The following RAP1A variants were observed in gnomAD, a reference collection of about 807,000 sequenced individuals.
RAP1A encodes the protein ras-related protein Rap-1A.
RAP1A carries 6 observed loss-of-function variants against 26.4 expected under a neutral mutation model. The ratio of observed to expected loss-of-function variants is 0.23; its 90% confidence interval spans 0.12 to 0.45. The LOEUF (loss-of-function observed/expected upper bound fraction) is 0.45, where lower values mean the gene tolerates loss of function less well. Among genes scored for constraint, RAP1A ranks in the 20% least tolerant of loss-of-function variants. The probability of loss-of-function intolerance (pLI) is 0.99; values close to 1 mark genes in which losing one functional copy is unlikely to be tolerated. For missense variants in RAP1A, 121 were observed against 217.2 expected (o/e 0.56, Z 2.78); for synonymous variants, 73 against 79.4 (o/e 0.92, Z 0.43).
chr1:111,684,653 AC>A (rs1244604962), intron 1 of RAP1A, among the ~76,000 whole-genome samples: 1 of 152,190 alleles, frequency 6.6e-6, no homozygotes, highest in Non-Finnish European at 1.5e-5. Flanking sequence ...AAATGGAAAA[AC>A]ATTCCATGCT....
At chr1:111,711,402 G>T (rs1044425953) in intron 7 of RAP1A, among the ~76,000 whole-genome samples, 1 of 152,084 alleles carries the variant, frequency 6.6e-6, no homozygotes, top group South Asian at 2.1e-4. Flanking sequence ...GGCCTATTAC[G>T]ATTTTTAAAA....
chr1:111,556,604 A>G (rs900154248), intron 1 of RAP1A, among the ~76,000 whole-genome samples: 5 of 152,240 alleles, frequency 3.3e-5, no homozygotes, highest in African/African-American at 9.6e-5. Flanking sequence ...AAGCTACGAC[A>G]TGGATGAAAC....
intron 1 of RAP1A, among the ~76,000 whole-genome samples, chr1:111,549,918 G>A (rs181245798): frequency 2.7e-3 from 409 of 152,284 alleles, no homozygotes; most frequent in Middle Eastern, 0.01. Context: ...CTACCAAAGT[G>A]CTGGAATTAC....
chr1:111,650,125 A>G (rs1247302148), intron 1 of RAP1A, among the ~76,000 whole-genome samples: 3 of 72,746 alleles, frequency 4.1e-5, no homozygotes, highest in Non-Finnish European at 5.5e-5. Context: ...TTTTACATTT[A>G]CTAAGTTTGT....
intron 1 of RAP1A, among the ~76,000 whole-genome samples, chr1:111,545,485 G>A (rs542888223): frequency 6.6e-6 from 1 of 152,072 alleles, no homozygotes; most frequent in African/African-American, 2.4e-5. Flanking sequence ...TCCTTTTATT[G>A]TTGAATTTTA....
intron 1 of RAP1A, among the ~76,000 whole-genome samples, chr1:111,582,894 G>T (rs2101061696): frequency 6.6e-6 from 1 of 152,320 alleles, no homozygotes; most frequent in South Asian, 2.1e-4. Context: ...ACCTAGGCCA[G>T]AGCCTGGTCT....
chr1:111,605,259 C>A (rs764073326), intron 1 of RAP1A, among the ~76,000 whole-genome samples: 4 of 152,094 alleles, frequency 2.6e-5, no homozygotes, highest in Non-Finnish European at 5.9e-5. Context: ...TACCACTTGC[C>A]AATGCAAAAC....
intron 2 of RAP1A, among the ~76,000 whole-genome samples, chr1:111,693,911 T>TA (rs397941968): frequency 6.6e-6 from 1 of 151,576 alleles, no homozygotes; most frequent in Non-Finnish European, 1.5e-5. Context: ...TTTTTTTTTT[T>TA]AAATCTTGAA....
chr1:111,585,419 G>A (rs1313584777), intron 1 of RAP1A, among the ~76,000 whole-genome samples: 1 of 151,854 alleles, frequency 6.6e-6, no homozygotes, highest in African/African-American at 2.4e-5. Flanking sequence ...CTGGATGATG[G>A]ATACAAATCA....
chr1:111,650,316 A>G (rs534106075), intron 1 of RAP1A: 4 of 152,258 alleles, frequency 2.6e-5, no homozygotes, highest in African/African-American at 9.6e-5. Flanking sequence ...TTCTATGCAG[A>G]AAGACTTCTA....
At chr1:111,695,487 T>C in intron 3 of RAP1A, 78 bp downstream of exon 3, 3 of 1,031,952 alleles carry the variant, frequency 2.9e-6, no homozygotes, top group Non-Finnish European at 2.7e-6. Flanking sequence ...GATTTGCTTT[T>C]TGAAAATAGT....
intron 1 of RAP1A, among the ~76,000 whole-genome samples, chr1:111,635,113 A>G (rs931885588): frequency 6.6e-6 from 1 of 152,200 alleles, no homozygotes; most frequent in African/African-American, 2.4e-5. Flanking sequence ...GTTATGGTAA[A>G]CATTTTTCCT....
intron 1 of RAP1A, among the ~76,000 whole-genome samples, chr1:111,677,227 C>T (rs1008593085): frequency 2.6e-5 from 4 of 152,146 alleles, no homozygotes; most frequent in African/African-American, 7.2e-5. Context: ...AGTAGTATTC[C>T]GTCAGTTGGA....
chr1:111,636,539 A>G (rs968514384), intron 1 of RAP1A, among the ~76,000 whole-genome samples: 8 of 150,782 alleles, frequency 5.3e-5, no homozygotes, highest in African/African-American at 1.5e-4. Context: ...GCTGGAGTGC[A>G]ATGATGTGAT....
chr1:111,607,039 T>TTTATTTA lies in RAP1A; in HGVS notation c.-28+64531_-28+64532insTATTTAT, dbSNP rs1246341026. Among the ~76,000 whole-genome samples, 318 of 125,400 alleles carry TTTATTTA rather than the reference T, an allele frequency of 2.5e-3. 2 individuals are homozygous for TTTATTTA. The highest frequency in any genetic ancestry group is 9.0e-3 in the African/African-American group (302 of 33,556). 82.3% of individuals were successfully genotyped at this position (125,400 alleles called of 152,430 possible). A position where few individuals can be genotyped will look rare whatever the true frequency, so the allele number is the denominator to read the frequency against. Reference sequence around the variant, plus strand: ...TATTTATTTATTTATTTATTTATTTTTATTGATTATTCTTGGGTGTTTCTC... The same window carrying TTTATTTA: ...TATTTATTTATTTATTTATTTATTTTTTATTTATATTGATTATTCTTGGGTGTTTCTC... On this transcript the variant is annotated intron_variant, in intron 1 of 7. Transcript: ENST00000356415.
chr1:111,662,252 G>A lies in RAP1A; in HGVS notation c.-27-29082G>A, dbSNP rs1209067838. Among the ~76,000 whole-genome samples the A allele has an allele frequency of 5.9e-5, 9 of 152,048 alleles. No individual in the cohort carries two copies. The South Asian group carries it at 1.5e-3, about 25-fold the overall frequency. The stretch of plus-strand genomic sequence containing the variant: ...CTACTAAAAATACAAAAAATTAGCC[G>A]GGCGTGATGGCAGGTGCCTGTAGTC... On this transcript the variant is annotated intron_variant, in intron 1 of 7. Transcript: ENST00000369709.
chr1:111,574,574 C>T (rs1388120776), intron 1 of RAP1A, among the ~76,000 whole-genome samples: 1 of 152,188 alleles, frequency 6.6e-6, no homozygotes, highest in Non-Finnish European at 1.5e-5. Flanking sequence ...GATATTGATT[C>T]TTCTGATCCA....
intron 1 of RAP1A, among the ~76,000 whole-genome samples, chr1:111,627,996 G>A (rs1659452172): frequency 6.6e-6 from 1 of 151,918 alleles, no homozygotes; most frequent in Admixed American, 6.6e-5. Flanking sequence ...GCCTGGGTTT[G>A]TGTCCTTGCT....
At chr1:111,678,400 C>T (rs1661192814) in intron 1 of RAP1A, among the ~76,000 whole-genome samples, 1 of 152,034 alleles carries the variant, frequency 6.6e-6, no homozygotes, top group Non-Finnish European at 1.5e-5. Flanking sequence ...TTTCAATTTT[C>T]AGTTCTTTGC....
Sources: gnomAD v4.1 joint callset for allele counts (sites outside exome capture counted in the v4.1 genomes callset) on GRCh38, gnomAD v4.1.1 for gene constraint, MANE v1.5 for transcripts, NCBI Gene and HGNC (gene_info 2026-07-23, HGNC 2026-07-21) for gene names.